MDFIC: variants seen among roughly 807,000 people sequenced by gnomAD.
MDFIC encodes myoD family inhibitor domain-containing protein.
Under a neutral mutation model 23.2 loss-of-function variants are expected in MDFIC, and 17 were observed. The observed-to-expected ratio is 0.73, with a 90% CI of 0.50 to 1.10. MDFIC has a LOEUF of 1.10. Among genes scored for constraint, MDFIC ranks in the 50% least tolerant of loss-of-function variants. The probability of loss-of-function intolerance (pLI) is 0.00; values close to 1 mark genes in which losing one functional copy is unlikely to be tolerated. For missense variants in MDFIC, 356 were observed against 316.6 expected (o/e 1.12, Z -0.95); for synonymous variants, 120 against 115.2 (o/e 1.04, Z -0.27).
chr7:114,986,157 A>G (rs1793509636), intron 4 of MDFIC, among the ~76,000 whole-genome samples: 3 of 151,854 alleles, frequency 2.0e-5, no homozygotes, highest in Admixed American at 1.3e-4. Flanking sequence ...CTATGGGAGG[A>G]CTGAAACCCA....
At chr7:114,933,929 CTCTGAAAG>C (rs1792377952) in intron 2 of MDFIC, 1 of 152,162 alleles carries the variant, frequency 6.6e-6, no homozygotes, top group Non-Finnish European at 1.5e-5. Context: ...ATAATTAAAA[CTCTGAAAG>C]TGGAATAAGC....
intron 3 of MDFIC, among the ~76,000 whole-genome samples, chr7:114,960,684 A>G (rs1318215022): frequency 3.9e-5 from 6 of 152,208 alleles, no homozygotes; most frequent in African/African-American, 1.4e-4. Flanking sequence ...ACATTTTTCC[A>G]AATTTTCTGG....
intron 3 of MDFIC, among the ~76,000 whole-genome samples, chr7:114,950,348 A>G (rs929747126): frequency 6.6e-6 from 1 of 152,172 alleles, no homozygotes; most frequent in African/African-American, 2.4e-5. Flanking sequence ...ATGAAGCCCA[A>G]GGTTTTAGTT....
chr7:115,016,099 C>A lies in MDFIC; in HGVS notation c.*164C>A. ...AGCCTTTTTACTTTAACCAAATCTA[C>A]ATGGTTTAATATGTGAAATTTTAAC... is the stretch of plus-strand genomic sequence containing the variant. On this transcript the variant is annotated 3_prime_UTR_variant, in exon 5 of 5. Transcript: ENST00000393486. 1 of 674,136 alleles carries A rather than the reference C, an allele frequency of 1.5e-6. No individual in the cohort carries two copies. The highest frequency in any genetic ancestry group is 2.8e-5 in the East Asian group (1 of 35,978). The allele number at this position is 674,136 out of a possible 1,614,324, so 41.8% of individuals were successfully genotyped here. A position where few individuals can be genotyped will look rare whatever the true frequency, so the allele number is the denominator to read the frequency against.
chr7:114,954,329 A>G (rs914860317), intron 3 of MDFIC, among the ~76,000 whole-genome samples: 22 of 152,068 alleles, frequency 1.4e-4, no homozygotes, highest in African/African-American at 5.3e-4. Flanking sequence ...GACTGTTTTC[A>G]TGGTCAACTG....
chr7:114,947,845 A>G (rs571137733), intron 3 of MDFIC, among the ~76,000 whole-genome samples: 58 of 152,202 alleles, frequency 3.8e-4, no homozygotes, highest in Non-Finnish European at 6.9e-4. Flanking sequence ...TGCATATTGT[A>G]TGCTTCCTTA....
intron 2 of MDFIC, among the ~76,000 whole-genome samples, chr7:114,928,304 T>A: frequency 6.6e-6 from 1 of 151,332 alleles, no homozygotes; most frequent in South Asian, 2.1e-4. Flanking sequence ...GTTTAAGAAC[T>A]GTGAAAAAAA....
chr7:114,993,667 G>A (rs1462703321), intron 4 of MDFIC, among the ~76,000 whole-genome samples: 1 of 152,208 alleles, frequency 6.6e-6, no homozygotes, highest in Non-Finnish European at 1.5e-5. Flanking sequence ...TTTTGAGTGA[G>A]TTTCTTAATC....
rs1791829341 is a variant in MDFIC at position 115,018,145 on chromosome 7, A to G, written c.*2210A>G. The G allele has an allele frequency of 6.6e-6, 1 of 152,000 alleles. No homozygotes were observed. Among genetic ancestry groups the G allele is most frequent in the African/African-American group, 2.4e-5 (1 of 41,448 alleles). 9.4% of individuals were successfully genotyped at this position (152,000 alleles called of 1,614,324 possible). On this transcript the variant is annotated 3_prime_UTR_variant, in exon 5 of 5. Coordinates refer to ENST00000393486, the MANE Select transcript of MDFIC (RefSeq NM_001166345.3). ...CTAAAGAACTTAATTCATTTGTTAC[A>G]TAAAATATAAGGAAATCTTTATACT...
In MDFIC at chr7:115,016,401, G is replaced by C. The variant is rs1272758775; in HGVS notation, c.*466G>C. 1 of 161,640 alleles carries C rather than the reference G, an allele frequency of 6.2e-6. No homozygotes were observed. The highest frequency in any genetic ancestry group is 1.4e-5 in the Non-Finnish European group (1 of 73,974). The allele number at this position is 161,640 out of a possible 1,614,324, so 10.0% of individuals were successfully genotyped here. ...TAACCCTGGCATTTTGGGAGGCCAA[G>C]GTGGGCAGATTGCCTGAGCTCAGGA... On this transcript the variant is annotated 3_prime_UTR_variant, in exon 5 of 5. Transcript: ENST00000393486.
intron 4 of MDFIC, among the ~76,000 whole-genome samples, chr7:114,989,146 T>C (rs1336975355): frequency 1.3e-5 from 2 of 151,824 alleles, no homozygotes; most frequent in African/African-American, 4.8e-5. Context: ...AAACAAGAAA[T>C]GTGAGGGGGA....
intron 3 of MDFIC, among the ~76,000 whole-genome samples, chr7:114,955,620 A>G (rs148271821): frequency 2.0e-5 from 3 of 152,310 alleles, no homozygotes; most frequent in African/African-American, 4.8e-5. Context: ...CCCCAAATAC[A>G]TTTATGTTAA....
chr7:114,923,495 G>C, intron 2 of MDFIC: 1 of 1,537,860 alleles, frequency 6.5e-7, no homozygotes, highest in African/African-American at 1.4e-5. Flanking sequence ...GCAGCTCTCT[G>C]AACAAGCGTG....
chr7:114,958,812 A>G (rs1792933356), intron 3 of MDFIC, among the ~76,000 whole-genome samples: 1 of 152,104 alleles, frequency 6.6e-6, no homozygotes, highest in Non-Finnish European at 1.5e-5. Context: ...TTTTCCCTAA[A>G]ATATGCAGCC....
At chr7:114,974,842 G>A (rs750592481) in intron 3 of MDFIC, among the ~76,000 whole-genome samples, 4 of 151,712 alleles carry the variant, frequency 2.6e-5, no homozygotes, top group Non-Finnish European at 5.9e-5. Context: ...AACCTAGAAA[G>A]TGCAGTATTT....
Position 114,922,431 on chromosome 7 carries a change from A to AGCCGCCACCGCTGCCGCAGTT in MDFIC, c.-304_-284dup. 1 of 1,241,508 alleles carries AGCCGCCACCGCTGCCGCAGTT rather than the reference A, an allele frequency of 8.1e-7. No homozygotes were observed. Among genetic ancestry groups the AGCCGCCACCGCTGCCGCAGTT allele is most frequent in the Non-Finnish European group, 1.0e-6 (1 of 988,986 alleles). 76.9% of individuals were successfully genotyped at this position (1,241,508 alleles called of 1,614,324 possible). A position where few individuals can be genotyped will look rare whatever the true frequency, so the allele number is the denominator to read the frequency against. On this transcript the variant is annotated 5_prime_UTR_variant, in exon 1 of 5. Coordinates refer to ENST00000393486, the MANE Select transcript of MDFIC (RefSeq NM_001166345.3). ...GAGGGGGCGGAGTGCGCGGAGTCAGAGCCGCCACCGCTGCCGCAGTTGCCG... is the reference window on the plus strand; with the variant it reads ...GAGGGGGCGGAGTGCGCGGAGTCAGAGCCGCCACCGCTGCCGCAGTTGCCGCCACCGCTGCCGCAGTTGCCG...
chr7:115,014,620 C>CA (rs1156350847), intron 4 of MDFIC: 19 of 995,458 alleles, frequency 1.9e-5, no homozygotes, highest in South Asian at 6.2e-5. Context: ...AGTACAAAAA[C>CA]AAAAAAACAA....
At chr7:114,927,053 C>T (rs560068456) in intron 2 of MDFIC, among the ~76,000 whole-genome samples, 117 of 152,148 alleles carry the variant, frequency 7.7e-4, no homozygotes, top group African/African-American at 2.6e-3. Context: ...AGATCAGGGA[C>T]ACTCCTGAAC....
intron 2 of MDFIC, among the ~76,000 whole-genome samples, chr7:114,937,810 T>C (rs1442771543): frequency 6.6e-6 from 1 of 152,210 alleles, no homozygotes; most frequent in East Asian, 1.9e-4. Context: ...GGAGCTAGTC[T>C]TTGGAAGTAG....
Sources: allele counts gnomAD v4.1 joint callset (sites outside exome capture counted in the v4.1 genomes callset), GRCh38; gene constraint gnomAD v4.1.1; transcripts MANE v1.5; gene names NCBI Gene and HGNC (gene_info 2026-07-23, HGNC 2026-07-21).